Variants in LRP1B observed in about 807,000 individuals in gnomAD.
LRP1B encodes LDL receptor related protein 1B, also known as low-density lipoprotein receptor-related protein 1B.
Under a neutral mutation model 556.6 loss-of-function variants are expected in LRP1B, and 217 were observed. That is an observed-to-expected ratio of 0.39 (90% CI 0.35 to 0.44). The LOEUF (loss-of-function observed/expected upper bound fraction) is 0.44. Ranked by LOEUF, LRP1B falls within the 20% of genes least tolerant of loss-of-function variation. The pLI is 1.00. For synonymous variants in LRP1B, 2,047 were observed against 1,865.8 expected (o/e 1.10, Z -2.50); for missense variants, 5,053 against 5,620.8 (o/e 0.90, Z 3.23).
At chr2:141,141,278 G>A (rs949714671) in intron 7 of LRP1B, among the ~76,000 whole-genome samples, 1 of 152,006 alleles carries the variant, frequency 6.6e-6, no homozygotes, top group Non-Finnish European at 1.5e-5. Context: ...TCTTAGAGAA[G>A]ACTGAAAGAT....
intron 2 of LRP1B, among the ~76,000 whole-genome samples, chr2:141,687,008 T>TTATATCC (rs1691336375): frequency 6.6e-6 from 1 of 152,096 alleles, no homozygotes; most frequent in South Asian, 2.1e-4. Context: ...AAGAAATAAA[T>TTATATCC]TATATCCTTT....
intron 1 of LRP1B, among the ~76,000 whole-genome samples, chr2:142,021,709 G>A (rs745496848): frequency 2.6e-4 from 40 of 152,162 alleles, no homozygotes; most frequent in Non-Finnish European, 4.6e-4. Flanking sequence ...ATGGAATGTT[G>A]CAATGATATT....
chr2:141,845,361 G>GA lies in LRP1B; in HGVS notation c.83-34961dup, dbSNP rs537426208. On this transcript the variant is annotated intron_variant, in intron 1 of 90. Transcript: ENST00000389484. ...GGAGGTAAAAATGGAAGAATTCATA[G>GA]AAAAAAAATGCTGGTTTTTGGAAAT... 2.6e-5 allele frequency among the ~76,000 whole-genome samples: 4 copies of GA among 151,684 alleles called. No individual in the cohort carries two copies. In the South Asian group the frequency reaches 8.3e-4, roughly 31 times the overall value.
chr2:140,525,723 ATTTAAATT>A, intron 49 of LRP1B, 113 bp downstream of exon 49: 1 of 843,740 alleles, frequency 1.2e-6, no homozygotes, highest in Non-Finnish European at 1.8e-6. Flanking sequence ...AGTCTGTGCC[ATTTAAATT>A]TTAATGTCAA....
At chr2:142,055,297 C>T (rs918529879) in intron 1 of LRP1B, among the ~76,000 whole-genome samples, 1 of 152,040 alleles carries the variant, frequency 6.6e-6, no homozygotes, top group Non-Finnish European at 1.5e-5. Context: ...CATGGTGGGA[C>T]CACTTAAACA....
intron 11 of LRP1B, among the ~76,000 whole-genome samples, chr2:141,023,870 T>C (rs1161845074): frequency 6.6e-6 from 1 of 152,042 alleles, no homozygotes; most frequent in Non-Finnish European, 1.5e-5. Context: ...TCCAGTGTTA[T>C]CTATCCTTAG....
chr2:140,611,443 G>A (rs1301230568), intron 41 of LRP1B, among the ~76,000 whole-genome samples: 1 of 152,100 alleles, frequency 6.6e-6, no homozygotes, highest in Admixed American at 6.5e-5. Flanking sequence ...TAGAGAAACA[G>A]AGGGAAGAAA....
At chr2:141,338,283 C>T (rs561685872) in intron 3 of LRP1B, among the ~76,000 whole-genome samples, 215 of 152,160 alleles carry the variant, frequency 1.4e-3, no homozygotes, top group Non-Finnish European at 2.6e-3. Flanking sequence ...CAATTGGGAG[C>T]CAAGACACAG....
intron 86 of LRP1B, among the ~76,000 whole-genome samples, chr2:140,250,338 C>G (rs1407991165): frequency 2.0e-5 from 3 of 151,676 alleles, no homozygotes; most frequent in Non-Finnish European, 4.4e-5. Flanking sequence ...ATCATTGGAT[C>G]AGGAACAGAT....
chr2:141,627,380 CTGTCAACACCTATACAATGTATAGTA>C (rs1338549790), intron 2 of LRP1B, among the ~76,000 whole-genome samples: 1 of 152,202 alleles, frequency 6.6e-6, no homozygotes, highest in East Asian at 1.9e-4. Context: ...CATTTTACAT[CTGTCAACACCTATACAATGTATAGTA>C]TGTGTCGCCA....
chr2:140,683,560 A>T, intron 41 of LRP1B: 1 of 662,232 alleles, frequency 1.5e-6, no homozygotes, highest in South Asian at 1.5e-5. Flanking sequence ...TTCAACTCCA[A>T]GTCCCAGTCT....
intron 41 of LRP1B, among the ~76,000 whole-genome samples, chr2:140,691,009 T>C (rs1012874277): frequency 6.6e-6 from 1 of 152,200 alleles, no homozygotes; most frequent in Non-Finnish European, 1.5e-5. Flanking sequence ...GTCTGTATTC[T>C]ATGATCAAAT....
At chr2:140,922,196 C>G (rs142466224) in intron 21 of LRP1B, among the ~76,000 whole-genome samples, 1 of 152,028 alleles carries the variant, frequency 6.6e-6, no homozygotes, top group Non-Finnish European at 1.5e-5. Context: ...ATCATTTCAA[C>G]TGGTACCCAG....
chr2:140,993,803 G>A (rs1331978318), intron 16 of LRP1B, among the ~76,000 whole-genome samples, 192 bp downstream of exon 16: 4 of 151,994 alleles, frequency 2.6e-5, no homozygotes, highest in Non-Finnish European at 4.4e-5. Flanking sequence ...AAAAGGATGA[G>A]AAAAACTGCT....
intron 47 of LRP1B, among the ~76,000 whole-genome samples, chr2:140,531,220 A>G (rs1055696246): frequency 1.3e-5 from 2 of 152,102 alleles, no homozygotes; most frequent in Admixed American, 1.3e-4. Flanking sequence ...GTTCCTGCAC[A>G]TTCTTTCTTG....
chr2:140,787,299 A>G (rs538421168), intron 32 of LRP1B, among the ~76,000 whole-genome samples: 1 of 152,048 alleles, frequency 6.6e-6, no homozygotes, highest in African/African-American at 2.4e-5. Flanking sequence ...GCTGGCCTCA[A>G]TTTACTTCTT....
chr2:140,498,573 T>C (rs1490508405), intron 55 of LRP1B, among the ~76,000 whole-genome samples: 1 of 151,866 alleles, frequency 6.6e-6, no homozygotes, highest in African/African-American at 2.4e-5. Context: ...TCTCGTTTTA[T>C]TGCAGAATTT....
intron 86 of LRP1B, among the ~76,000 whole-genome samples, chr2:140,254,465 G>A (rs1558928570): frequency 6.6e-6 from 1 of 152,162 alleles, no homozygotes; most frequent in East Asian, 1.9e-4. Flanking sequence ...CATACAAACG[G>A]TGATCAGATA....
At chr2:141,110,918 C>A (rs532126973) in intron 7 of LRP1B, among the ~76,000 whole-genome samples, 1 of 152,262 alleles carries the variant, frequency 6.6e-6, no homozygotes, top group East Asian at 1.9e-4. Flanking sequence ...GGTCCCCACA[C>A]TAAATATATA....
Sources: gnomAD v4.1 joint callset for allele counts (sites outside exome capture counted in the v4.1 genomes callset) on GRCh38, gnomAD v4.1.1 for gene constraint, MANE v1.5 for transcripts, NCBI Gene and HGNC (gene_info 2026-07-23, HGNC 2026-07-21) for gene names.